Variants in DRC8 observed in about 807,000 individuals in gnomAD.
DRC8 encodes the protein dynein regulatory complex protein 8.
chr1:245,010,243 C>A, the DRC8 span, among the ~76,000 whole-genome samples: 11 of 152,146 alleles, frequency 7.2e-5, no homozygotes, highest in African/African-American at 2.7e-4. Flanking sequence ...ATGGAAGTAG[C>A]CCATAGTATG....
chr1:245,036,076 A>G, the DRC8 span, among the ~76,000 whole-genome samples: 3 of 152,308 alleles, frequency 2.0e-5, no homozygotes, highest in African/African-American at 7.2e-5. Flanking sequence ...GCTTCAAAGG[A>G]CACTGTCAGG....
At chr1:245,115,869 C>A in the DRC8 span, among the ~76,000 whole-genome samples, 1 of 148,124 alleles carries the variant, frequency 6.8e-6, no homozygotes, top group South Asian at 2.2e-4. Flanking sequence ...GCTTGGGCAA[C>A]AGAGTGAGAT....
At chr1:245,107,635 T>C in the DRC8 span, among the ~76,000 whole-genome samples, 20 of 152,294 alleles carry the variant, frequency 1.3e-4, no homozygotes, top group East Asian at 2.3e-3. Flanking sequence ...CTCCCAGGGC[T>C]GCTTGCATTT....
At chr1:244,982,338 TTA>T in the DRC8 span, among the ~76,000 whole-genome samples, 1 of 152,146 alleles carries the variant, frequency 6.6e-6, no homozygotes. Context: ...TGTTTTGTAA[TTA>T]TCAAGGAATT....
chr1:244,979,594 CT>C, the DRC8 span, among the ~76,000 whole-genome samples: 1 of 151,784 alleles, frequency 6.6e-6, no homozygotes, highest in Non-Finnish European at 1.5e-5. Context: ...GTGTGAGCCA[CT>C]GCGCCTGGCC....
At chr1:245,068,337 C>A in the DRC8 span, among the ~76,000 whole-genome samples, 1 of 152,214 alleles carries the variant, frequency 6.6e-6, no homozygotes, top group Admixed American at 6.5e-5. Flanking sequence ...TCCTTTCCAA[C>A]AATGCCATCA....
At chr1:245,028,960 A>G in the DRC8 span, among the ~76,000 whole-genome samples, 1 of 152,232 alleles carries the variant, frequency 6.6e-6, no homozygotes, top group African/African-American at 2.4e-5. Flanking sequence ...GAGTGGGGTC[A>G]TATCTGTGAT....
the DRC8 span, chr1:244,970,143 C>T: frequency 8.8e-6 from 6 of 683,720 alleles, no homozygotes; most frequent in East Asian, 1.1e-4. Flanking sequence ...CGGGACAAGT[C>T]CGGCTCCGGC....
chr1:245,113,638 G>A, the DRC8 span, among the ~76,000 whole-genome samples: 1 of 152,078 alleles, frequency 6.6e-6, no homozygotes, highest in African/African-American at 2.4e-5. Flanking sequence ...ACATTAACGT[G>A]TTCAAATATG....
the DRC8 span, chr1:245,123,108 C>T: frequency 6.6e-6 from 1 of 152,160 alleles, no homozygotes; most frequent in Non-Finnish European, 1.5e-5. This position sits in a 1 kb window ranked among gnomAD's most constrained non-coding sequence, Gnocchi z 5.0. Flanking sequence ...TAAAAAGCCT[C>T]ACTTTTTATT....
the DRC8 span, among the ~76,000 whole-genome samples, chr1:245,060,099 A>T: frequency 6.6e-6 from 1 of 152,244 alleles, no homozygotes; most frequent in East Asian, 1.9e-4. Context: ...AGAATTGCTT[A>T]TCTAGGCACA....
the DRC8 span, among the ~76,000 whole-genome samples, chr1:245,025,268 C>A: frequency 6.6e-6 from 1 of 152,152 alleles, no homozygotes; most frequent in Non-Finnish European, 1.5e-5. Context: ...TGACTCTAAT[C>A]TTATTCACAA....
At chr1:244,969,905 G>A in the DRC8 span, 1 of 455,430 alleles carries the variant, frequency 2.2e-6, no homozygotes, top group Non-Finnish European at 3.8e-6. Flanking sequence ...GGAGGAGGAG[G>A]CCGGGCCGCG....
the DRC8 span, among the ~76,000 whole-genome samples, chr1:245,055,250 C>T: frequency 6.6e-6 from 1 of 152,066 alleles, no homozygotes; most frequent in South Asian, 2.1e-4. Flanking sequence ...CCAGATTGAA[C>T]TCTTCATTTC....
At chr1:245,059,053 A>T in the DRC8 span, among the ~76,000 whole-genome samples, 1 of 152,250 alleles carries the variant, frequency 6.6e-6, no homozygotes, top group Admixed American at 6.5e-5. Flanking sequence ...AGACATTATC[A>T]TCCCCATTTT....
At chr1:245,048,595 A>G in the DRC8 span, among the ~76,000 whole-genome samples, 2 of 151,882 alleles carry the variant, frequency 1.3e-5, no homozygotes, top group African/African-American at 2.4e-5. Context: ...ACTCCTGCAC[A>G]CTTTTACTTA....
At chr1:245,048,327 A>G in the DRC8 span, among the ~76,000 whole-genome samples, 3 of 152,170 alleles carry the variant, frequency 2.0e-5, no homozygotes, top group Non-Finnish European at 4.4e-5. Context: ...GTTGTAACTA[A>G]TATATTTTGT....
chr1:245,004,260 C>T, the DRC8 span, among the ~76,000 whole-genome samples: 1 of 151,870 alleles, frequency 6.6e-6, no homozygotes, highest in Admixed American at 6.6e-5. Flanking sequence ...ATAGTTCTCA[C>T]TCTTAAATAT....
At chr1:245,047,645 A>AAG in the DRC8 span, among the ~76,000 whole-genome samples, 1 of 149,692 alleles carries the variant, frequency 6.7e-6, no homozygotes, top group South Asian at 2.1e-4. Flanking sequence ...CAAAAAAAAA[A>AAG]AAAAACGAAA....
Sources: gnomAD v4.1 joint callset for allele counts (sites outside exome capture counted in the v4.1 genomes callset) on GRCh38, gnomAD v4.1.1 for gene constraint, Gnocchi (gnomAD v3.1) non-coding constraint, MANE v1.5 for transcripts, NCBI Gene and HGNC (gene_info 2026-07-23, HGNC 2026-07-21) for gene names.